ATP6V0A1: variants seen among roughly 807,000 people sequenced by gnomAD.
ATP6V0A1 encodes the protein V-type proton ATPase 116 kDa subunit a 1.
Under a neutral mutation model 105.4 loss-of-function variants are expected in ATP6V0A1, and 43 were observed. The observed-to-expected ratio is 0.41, with a 90% CI of 0.32 to 0.53. ATP6V0A1 has a LOEUF of 0.53. Ranked by LOEUF, ATP6V0A1 falls within the 20% of genes least tolerant of loss-of-function variation. The probability of loss-of-function intolerance (pLI) is 0.30; values close to 1 mark genes in which losing one functional copy is unlikely to be tolerated. For synonymous variants in ATP6V0A1, 362 were observed against 372.8 expected (o/e 0.97, Z 0.33); for missense variants, 676 against 1,051.1 (o/e 0.64, Z 4.93).
chr17:42,474,995 GGA>G (rs1226262877), intron 5 of ATP6V0A1, among the ~76,000 whole-genome samples: 30 of 152,274 alleles, frequency 2.0e-4, no homozygotes, highest in African/African-American at 7.0e-4. Flanking sequence ...TGTAAGAGCT[GGA>G]GAGATTTCTC....
rs370368147 is a variant in ATP6V0A1, at chr17:42,480,925, ATTTTTG to A, written c.716+179_716+184del. 1.3e-3 allele frequency: 712 copies of A among 545,386 alleles called. 7 individuals are homozygous for A. The highest frequency in any genetic ancestry group is 0.013 in the African/African-American group (653 of 50,652). 33.8% of individuals were successfully genotyped at this position (545,386 alleles called of 1,614,324 possible). Reference sequence around the variant, plus strand: ...ATAGCCTGCATTCATTTTTATTTTTATTTTTGTTGTTCAGATGGGGGGGTCTCACTC... The same window carrying A: ...ATAGCCTGCATTCATTTTTATTTTTATTGTTCAGATGGGGGGGTCTCACTC... On this transcript the variant is annotated intron_variant, in intron 8 of 21. Coordinates refer to ENST00000343619, the MANE Select transcript of ATP6V0A1 (RefSeq NM_001130021.3).
chr17:42,467,761 A>G (rs2087292825), intron 3 of ATP6V0A1, among the ~76,000 whole-genome samples: 1 of 152,162 alleles, frequency 6.6e-6, no homozygotes, highest in South Asian at 2.1e-4. Flanking sequence ...AGAAGGAAAG[A>G]AGGCAGTTGT....
intron 5 of ATP6V0A1, among the ~76,000 whole-genome samples, chr17:42,473,031 C>T (rs2088204098): frequency 1.3e-5 from 2 of 152,152 alleles, no homozygotes; most frequent in Non-Finnish European, 2.9e-5. Context: ...AAGGATTTGA[C>T]TCAGAAGCCA....
rs927192514 is a variant in ATP6V0A1 at position 42,460,893 on chromosome 17, C to T, written c.-2C>T. On this transcript the variant is annotated 5_prime_UTR_variant, in exon 2 of 22. Transcript: ENST00000343619. ...CTCACTAGACTGGTACCTTCTGCCA[C>T]CATGGGGGAGCTTTTCCGGAGTGAA... 2 of 1,612,502 alleles carry T rather than the reference C, an allele frequency of 1.2e-6. No homozygotes were observed. Among genetic ancestry groups the T allele is most frequent in the Admixed American group, 1.7e-5 (1 of 60,002 alleles).
chr17:42,480,890 T>C lies in ATP6V0A1; in HGVS notation c.716+141T>C, dbSNP rs548737262. 45 of 681,316 alleles carry C rather than the reference T, an allele frequency of 6.6e-5. No homozygotes were observed. The East Asian group carries it at 1.4e-3, about 21-fold the overall frequency. 42.2% of individuals were successfully genotyped at this position (681,316 alleles called of 1,614,324 possible). The stretch of plus-strand genomic sequence containing the variant: ...TTAATAATGTTAGGGGCTATTTTAA[T>C]CAATTAGAAATAGCCTGCATTCATT... On this transcript the variant is annotated intron_variant, in intron 8 of 21. Coordinates refer to ENST00000343619, the MANE Select transcript of ATP6V0A1 (RefSeq NM_001130021.3).
rs1479199541 is a variant in ATP6V0A1 at position 42,518,028 on chromosome 17, TCTCTCTTTTCCTCC to T, written c.2421-2995_2421-2982del. ...TCTGCTAATTCTGTCTCCTGAGTTT[TCTCTCTTTTCCTCC>T]CTCCTGCCACATGAAGTGTGCTTGG... On this transcript the variant is annotated intron_variant, in intron 21 of 21. Transcript: ENST00000343619. 3.3e-5 allele frequency: 5 copies of T among 152,274 alleles called. No individual in the cohort carries two copies. The East Asian group carries it at 7.7e-4, about 23-fold the overall frequency. The allele number at this position is 152,274 out of a possible 1,614,324, so 9.4% of individuals were successfully genotyped here.
chr17:42,469,048 A>C (rs2087500182), intron 4 of ATP6V0A1, among the ~76,000 whole-genome samples: 1 of 151,958 alleles, frequency 6.6e-6, no homozygotes, highest in Non-Finnish European at 1.5e-5. Context: ...GGATTTTCCC[A>C]TGTTGGCCAG....
At chr17:42,506,588 T>TA (rs1465712811) in intron 17 of ATP6V0A1, among the ~76,000 whole-genome samples, 1 of 152,246 alleles carries the variant, frequency 6.6e-6, no homozygotes, top group Non-Finnish European at 1.5e-5. Flanking sequence ...TTTGGCCCCC[T>TA]GGACAGAAAC....
At chr17:42,462,044 C>CAA (rs1040242459) in intron 2 of ATP6V0A1, among the ~76,000 whole-genome samples, 23 of 52,768 alleles carry the variant, frequency 4.4e-4, no homozygotes, top group African/African-American at 8.9e-4. Flanking sequence ...CCGTCTCTGC[C>CAA]AAAAAAAAAA....
intron 17 of ATP6V0A1, among the ~76,000 whole-genome samples, chr17:42,504,420 A>G (rs113253132): frequency 1.5e-3 from 222 of 152,238 alleles, no homozygotes; most frequent in African/African-American, 5.2e-3. Context: ...TGCTAGTTGG[A>G]GAAAGCTTCA....
Position 42,490,494 on chromosome 17 carries a change from G to A in ATP6V0A1, c.1031G>A (p.Ser344Asn). 6.3e-7 allele frequency: 1 copy of A among 1,597,160 alleles called. No homozygotes were observed. The highest frequency in any genetic ancestry group is 8.5e-7 in the Non-Finnish European group (1 of 1,175,326). ...QFALRRGTEH[S>N]GSTVPSILNR... ...TGTGCTAATGTTTTTCAGGAACACA[G>A]TGGTTCCACTGTACCTTCCATTTTG... Residue 344 changes from serine (S) to asparagine (N), a missense_variant, in exon 11 of 22, where the codon AGT becomes AAT. Around this residue, in one of 3 missense-constraint regions of ATP6V0A1, gnomAD observed 435 missense variants for 642.2 expected, o/e 0.68. Coordinates refer to ENST00000343619, the MANE Select transcript of ATP6V0A1 (RefSeq NM_001130021.3).
rs1258567042 is a variant in ATP6V0A1, at chr17:42,462,072, G to T, written c.117+1061G>T. ...AAAAAAAAAAAAAAAAAAAAATGCCGGATGTGGTGGCACATGGCTGTGGTC... is the reference window on the plus strand; with the variant it reads ...AAAAAAAAAAAAAAAAAAAAATGCCTGATGTGGTGGCACATGGCTGTGGTC... On this transcript the variant is annotated intron_variant, in intron 2 of 21. Coordinates refer to ENST00000343619, the MANE Select transcript of ATP6V0A1 (RefSeq NM_001130021.3). Among the ~76,000 whole-genome samples, 5 of 150,086 alleles carry T rather than the reference G, an allele frequency of 3.3e-5. No homozygotes were observed. In the Admixed American group the frequency reaches 3.3e-4, roughly 10 times the overall value.
intron 2 of ATP6V0A1, among the ~76,000 whole-genome samples, chr17:42,464,595 G>A (rs1357414021): frequency 1.3e-5 from 2 of 151,998 alleles, no homozygotes; most frequent in African/African-American, 4.8e-5. Flanking sequence ...AGTAGAGACG[G>A]GGTTTCACTG....
intron 2 of ATP6V0A1, among the ~76,000 whole-genome samples, chr17:42,461,638 G>A (rs986461418): frequency 1.3e-5 from 2 of 152,112 alleles, no homozygotes; most frequent in East Asian, 1.9e-4. Flanking sequence ...TAGCATGGTG[G>A]CGCAGGCCTG....
chr17:42,490,544 C>T lies in ATP6V0A1; in HGVS notation c.1081C>T (p.Pro361Ser), dbSNP rs200910081. 1 of 1,613,806 alleles carries T rather than the reference C, an allele frequency of 6.2e-7. No individual in the cohort carries two copies. The highest frequency in any genetic ancestry group is 1.7e-5 in the Admixed American group (1 of 59,960). Reference protein sequence around the residue: ...ILNRMQTNQTPPTYNKTNKFT... With the variant: ...ILNRMQTNQTSPTYNKTNKFT... ...GAACAGGATGCAGACAAACCAGACT[C>T]CCCCAACCTATAACAAAACCAACAA... The change falls in exon 11 of 22, where the codon CCC becomes TCC. Residue 361 changes from proline (P) to serine (S), a missense_variant. Pro to Ser is a moderately conservative substitution (Grantham distance 74, BLOSUM62 -1). Transcript: ENST00000343619.
chr17:42,507,321 G>T (rs1412677239), intron 17 of ATP6V0A1, 199 bp from the exon 18 acceptor site: 1 of 517,248 alleles, frequency 1.9e-6, no homozygotes, highest in African/African-American at 1.9e-5. Flanking sequence ...GTAATTGTAG[G>T]TTGGGCTGGG....
chr17:42,520,800 CAG>C, intron 21 of ATP6V0A1: 1 of 534,026 alleles, frequency 1.9e-6, no homozygotes, highest in South Asian at 2.0e-5. Flanking sequence ...CTCGGCAGGA[CAG>C]AGCAAGATTG....
intron 5 of ATP6V0A1, among the ~76,000 whole-genome samples, chr17:42,472,236 TAG>T (rs1239331018): frequency 7.3e-5 from 11 of 151,522 alleles, no homozygotes; most frequent in African/African-American, 2.4e-4. Flanking sequence ...GTATTTTCAG[TAG>T]AGACAGCGTT....
In ATP6V0A1 at chr17:42,521,113, A is replaced by G; in HGVS notation, c.2507A>G (p.Glu836Gly). The G allele has an allele frequency of 1.2e-6, 2 of 1,608,736 alleles. 1 individual carries two copies. The highest frequency in any genetic ancestry group is 2.2e-5 in the South Asian group (2 of 90,400). ...SFEHIREGKF[E>G]E Reference sequence around the variant, plus strand: ...GAGCATATTCGGGAAGGGAAGTTTGAAGAGTGAGTCCCTGTGAGGGCCGTG... The same window carrying G: ...GAGCATATTCGGGAAGGGAAGTTTGGAGAGTGAGTCCCTGTGAGGGCCGTG... Residue 836 changes from glutamate (E) to glycine (G), a missense_variant, in exon 22 of 22, where the codon GAA (glutamate) becomes GGA (glycine). Coordinates refer to ENST00000343619, the MANE Select transcript of ATP6V0A1 (RefSeq NM_001130021.3). The surrounding 1 kb of genome is among the most constrained non-coding windows in gnomAD (Gnocchi z 4.8).
Sources: gnomAD v4.1 joint callset for allele counts (sites outside exome capture counted in the v4.1 genomes callset) on GRCh38, gnomAD v4.1.1 for gene constraint, gnomAD v4.1.1 regional missense constraint, Gnocchi (gnomAD v3.1) non-coding constraint, MANE v1.5 for transcripts, NCBI Gene and HGNC (gene_info 2026-07-23, HGNC 2026-07-21) for gene names.